Variants in WDFY3 observed in about 807,000 individuals in gnomAD.
WDFY3 encodes the protein WD repeat and FYVE domain containing 3, also known as WD repeat and FYVE domain-containing protein 3.
Under a neutral mutation model 409.6 loss-of-function variants are expected in WDFY3, and 66 were observed. That is an observed-to-expected ratio of 0.16 (90% CI 0.13 to 0.20). WDFY3 has a LOEUF of 0.20. Ranked by LOEUF, WDFY3 falls within the 10% of genes least tolerant of loss-of-function variation. The pLI, the probability that WDFY3 is intolerant of heterozygous loss-of-function variation, is 1.00. For synonymous variants in WDFY3, 1,521 were observed against 1,537.1 expected (o/e 0.99, Z 0.25); for missense variants, 3,031 against 4,298.1 (o/e 0.71, Z 8.24).
At chr4:84,701,673 C>T (rs1158066141) in intron 56 of WDFY3, among the ~76,000 whole-genome samples, 1 of 152,168 alleles carries the variant, frequency 6.6e-6, no homozygotes, top group Middle Eastern at 3.2e-3. Flanking sequence ...AAGTCAAATC[C>T]ACTTCCTCTA....
At chr4:84,788,651 T>C (rs376960788) in intron 22 of WDFY3, among the ~76,000 whole-genome samples, 1 of 152,188 alleles carries the variant, frequency 6.6e-6, no homozygotes, top group African/African-American at 2.4e-5. Context: ...GAAGGAAATA[T>C]ATTCAAAGAT....
intron 7 of WDFY3, among the ~76,000 whole-genome samples, chr4:84,834,601 A>C (rs573256183): frequency 6.6e-6 from 1 of 152,280 alleles, no homozygotes; most frequent in Non-Finnish European, 1.5e-5. Flanking sequence ...CAGTGAGCCA[A>C]GATCGCACCA....
chr4:84,950,002 T>A (rs1773395083), intron 1 of WDFY3, among the ~76,000 whole-genome samples: 1 of 152,172 alleles, frequency 6.6e-6, no homozygotes, highest in African/African-American at 2.4e-5. Flanking sequence ...CCAACCCAAA[T>A]GTCCACTGAT....
intron 22 of WDFY3, 136 bp from the exon 23 acceptor site, chr4:84,787,849 C>G: frequency 1.3e-6 from 1 of 786,426 alleles, no homozygotes; most frequent in Non-Finnish European, 2.0e-6. Flanking sequence ...GGTGGAGAAA[C>G]AGGAAGGGCA....
At chr4:84,961,674 T>C (rs1022773490) in intron 1 of WDFY3, among the ~76,000 whole-genome samples, 2 of 152,158 alleles carry the variant, frequency 1.3e-5, no homozygotes, top group African/African-American at 4.8e-5. Flanking sequence ...TTTTTATAAA[T>C]ATCTATCATA....
intron 5 of WDFY3, among the ~76,000 whole-genome samples, chr4:84,842,804 T>G (rs932253843): frequency 2.0e-5 from 3 of 152,128 alleles, no homozygotes; most frequent in African/African-American, 7.2e-5. Context: ...AACAAAAAAC[T>G]AATGTATACT....
At chr4:84,853,857 T>G (rs1394664264) in intron 4 of WDFY3, among the ~76,000 whole-genome samples, 1 of 152,190 alleles carries the variant, frequency 6.6e-6, no homozygotes, top group Non-Finnish European at 1.5e-5. Context: ...GCTTCTTAAA[T>G]AAGGTTTATT....
intron 36 of WDFY3, chr4:84,751,186 G>C: frequency 2.4e-6 from 1 of 413,766 alleles, no homozygotes; most frequent in South Asian, 2.3e-5. Flanking sequence ...GACAGAGACC[G>C]TATGGCCCAC....
At chr4:84,965,445 TTC>T (rs1775514450) in intron 1 of WDFY3, among the ~76,000 whole-genome samples, 2 of 152,192 alleles carry the variant, frequency 1.3e-5, no homozygotes, top group African/African-American at 4.8e-5. Flanking sequence ...ATCACATTGT[TTC>T]TGTGAAAGGA....
At chr4:84,860,097 A>G (rs1400270107) in intron 4 of WDFY3, among the ~76,000 whole-genome samples, 1 of 152,164 alleles carries the variant, frequency 6.6e-6, no homozygotes, top group East Asian at 1.9e-4. Context: ...GATAACAGAA[A>G]TAACACAATT....
At chr4:84,962,675 CTTT>C (rs373118403) in intron 1 of WDFY3, among the ~76,000 whole-genome samples, 9 of 136,182 alleles carry the variant, frequency 6.6e-5, no homozygotes, top group East Asian at 2.1e-4. Flanking sequence ...GGAGCCATTT[CTTT>C]TTTTTTTTTT....
At chr4:84,819,019 T>C (rs1026873410) in intron 12 of WDFY3, among the ~76,000 whole-genome samples, 1 of 152,236 alleles carries the variant, frequency 6.6e-6, no homozygotes, top group Admixed American at 6.5e-5. Context: ...GGAAATAAGA[T>C]TATGCATTAT....
chr4:84,924,504 A>G (rs369861678), intron 2 of WDFY3, among the ~76,000 whole-genome samples: 1 of 152,200 alleles, frequency 6.6e-6, no homozygotes, highest in Non-Finnish European at 1.5e-5. Context: ...TACATGAACT[A>G]TCTCTTTAAT....
chr4:84,897,517 G>A (rs911158984), intron 2 of WDFY3, among the ~76,000 whole-genome samples: 1 of 151,986 alleles, frequency 6.6e-6, no homozygotes, highest in Admixed American at 6.6e-5. Flanking sequence ...CGAGTAGCTG[G>A]GATTACAGGT....
intron 48 of WDFY3, among the ~76,000 whole-genome samples, chr4:84,718,220 T>A (rs1734285215): frequency 6.6e-6 from 1 of 152,106 alleles, no homozygotes; most frequent in South Asian, 2.1e-4. Flanking sequence ...TTAGCTTTCA[T>A]CTTGATAAAT....
intron 21 of WDFY3, among the ~76,000 whole-genome samples, chr4:84,793,202 T>C (rs1230261063): frequency 2.0e-5 from 3 of 152,340 alleles, no homozygotes; most frequent in South Asian, 2.1e-4. Context: ...TGTTTGAAAC[T>C]GGGTGTCTCT....
chr4:84,891,443 AT>A (rs775684569), intron 3 of WDFY3, among the ~76,000 whole-genome samples: 130 of 152,288 alleles, frequency 8.5e-4, no homozygotes, highest in Non-Finnish European at 1.6e-3. Flanking sequence ...ATTTTAATGC[AT>A]TAAAAATATG....
intron 33 of WDFY3, among the ~76,000 whole-genome samples, chr4:84,756,646 AT>A (rs1741513091): frequency 6.6e-6 from 1 of 151,774 alleles, no homozygotes; most frequent in South Asian, 2.1e-4. Context: ...AAAATAAATC[AT>A]ATAACAAAAG....
chr4:84,856,825 C>T (rs1057134508), intron 4 of WDFY3, among the ~76,000 whole-genome samples: 1 of 152,110 alleles, frequency 6.6e-6, no homozygotes, highest in African/African-American at 2.4e-5. Context: ...TCCTTTTTAG[C>T]AATCATGGTA....
Sources: gnomAD v4.1 joint callset for allele counts (sites outside exome capture counted in the v4.1 genomes callset) on GRCh38, gnomAD v4.1.1 for gene constraint, MANE v1.5 for transcripts, NCBI Gene and HGNC (gene_info 2026-07-23, HGNC 2026-07-21) for gene names.